Variants in PPP1R12B observed in about 807,000 individuals in gnomAD.
PPP1R12B encodes the protein myosin phosphatase target subunit 2.
In PPP1R12B, 76 loss-of-function variants were observed where a neutral mutation model predicts 126.1. The observed-to-expected ratio is 0.60, with a 90% CI of 0.50 to 0.73. The LOEUF is 0.73. Among genes scored for constraint, PPP1R12B ranks in the 30% least tolerant of loss-of-function variants. The pLI, the probability that PPP1R12B is intolerant of heterozygous loss-of-function variation, is 0.00. For missense variants in PPP1R12B, 1,052 were observed against 1,205.1 expected, an observed-to-expected ratio of 0.87 and a Z score of 1.88; for synonymous variants, 356 against 434.7, an observed-to-expected ratio of 0.82 and a Z score of 2.25.
At chr1:202,479,331 G>T (rs972340807) in intron 13 of PPP1R12B, among the ~76,000 whole-genome samples, 2 of 152,146 alleles carry the variant, frequency 1.3e-5, no homozygotes, top group African/African-American at 2.4e-5. Context: ...GAAAAAACTG[G>T]ATAAATATAA....
chr1:202,499,801 T>C (rs892956351), intron 18 of PPP1R12B, among the ~76,000 whole-genome samples: 1 of 152,216 alleles, frequency 6.6e-6, no homozygotes, highest in African/African-American at 2.4e-5. Flanking sequence ...CTTTTTTATA[T>C]ACCAAGAAAA....
chr1:202,379,204 A>G (rs1307676235), intron 1 of PPP1R12B, among the ~76,000 whole-genome samples: 2 of 152,150 alleles, frequency 1.3e-5, no homozygotes, highest in Non-Finnish European at 2.9e-5. Flanking sequence ...TTCTCATCCT[A>G]TCACAAAATT....
chr1:202,433,899 G>C (rs1670496074), intron 8 of PPP1R12B, among the ~76,000 whole-genome samples: 1 of 152,078 alleles, frequency 6.6e-6, no homozygotes. Context: ...GAACTCCCAG[G>C]TCTCAGCTCA....
At chr1:202,352,899 A>AAAAAGG (rs1470619825) in intron 1 of PPP1R12B, among the ~76,000 whole-genome samples, 2 of 143,388 alleles carry the variant, frequency 1.4e-5, no homozygotes, top group Admixed American at 6.9e-5. Flanking sequence ...AAAAAAAAAG[A>AAAAAGG]AAAAAGAAAT....
chr1:202,530,914 T>A (rs1683866382), intron 18 of PPP1R12B, among the ~76,000 whole-genome samples: 1 of 152,256 alleles, frequency 6.6e-6, no homozygotes, highest in South Asian at 2.1e-4. Flanking sequence ...TGTTCTGCAT[T>A]TTCTTACATG....
In PPP1R12B at chr1:202,588,453, T is replaced by C. The variant is rs1296435404; in HGVS notation, c.*7893T>C. On this transcript the variant is annotated 3_prime_UTR_variant, in exon 24 of 24. Coordinates refer to ENST00000608999, the MANE Select transcript of PPP1R12B (RefSeq NM_002481.4). ...GGTTTTGTTTTACTGGTTGTTGTTA[T>C]ATAGTTTTGAGTATTCTGTGTTTGA... The C allele has an allele frequency of 6.6e-6, 1 of 152,646 alleles. No homozygotes were observed. The highest frequency in any genetic ancestry group is 1.5e-5 in the Non-Finnish European group (1 of 68,044). 9.5% of individuals were successfully genotyped at this position (152,646 alleles called of 1,614,324 possible).
intron 18 of PPP1R12B, among the ~76,000 whole-genome samples, chr1:202,544,588 A>C (rs1243952570): frequency 6.6e-6 from 1 of 152,204 alleles, no homozygotes; most frequent in Non-Finnish European, 1.5e-5. Flanking sequence ...TCTTTTAATT[A>C]GGCACATTTT....
intron 1 of PPP1R12B, among the ~76,000 whole-genome samples, chr1:202,399,732 G>C (rs1318308282): frequency 2.0e-5 from 3 of 151,990 alleles, no homozygotes; most frequent in African/African-American, 4.8e-5. Flanking sequence ...TCCTGACCTC[G>C]TGATTTGCTT....
At chr1:202,526,388 G>C (rs575432646) in intron 18 of PPP1R12B, among the ~76,000 whole-genome samples, 1 of 152,208 alleles carries the variant, frequency 6.6e-6, no homozygotes, top group Non-Finnish European at 1.5e-5. Flanking sequence ...GGAAGTATCT[G>C]TGTGTGCATT....
chr1:202,361,661 G>A (rs917562122), intron 1 of PPP1R12B, among the ~76,000 whole-genome samples: 8 of 152,068 alleles, frequency 5.3e-5, no homozygotes, highest in African/African-American at 1.9e-4. Flanking sequence ...CAGAATTCCA[G>A]TTCAGTAATA....
intron 1 of PPP1R12B, among the ~76,000 whole-genome samples, chr1:202,396,322 T>A (rs1321814465): frequency 6.6e-6 from 1 of 152,218 alleles, no homozygotes; most frequent in African/African-American, 2.4e-5. Flanking sequence ...TTGGGCATGT[T>A]ACTTAATCTT....
At position 202,449,157 on chromosome 1, in the gene PPP1R12B, C is replaced by T; in HGVS notation, c.1836C>T (p.Ala612=). 6.2e-7 allele frequency: 1 copy of T among 1,605,762 alleles called. No individual in the cohort carries two copies. Among genetic ancestry groups the T allele is most frequent in the East Asian group, 2.2e-5 (1 of 44,770 alleles). ...CTGGAACAGATTCCTCTGTGGAAGC[C>T]AGGGAGAAGAGGAGGTATGTTGAGT... ...SITGTDSSVE[A]REKRRSYLTP... Residue 612 remains alanine (A), a synonymous_variant, in exon 13 of 24, where the codon GCC becomes GCT. Transcript: ENST00000608999.
At chr1:202,385,926 ATTTTTCT>A (rs1334127084) in intron 1 of PPP1R12B, among the ~76,000 whole-genome samples, 7 of 149,668 alleles carry the variant, frequency 4.7e-5, no homozygotes, top group African/African-American at 1.5e-4. Flanking sequence ...CTCAAGAGCT[ATTTTTCT>A]TTTTTCTTTT....
intron 13 of PPP1R12B, among the ~76,000 whole-genome samples, chr1:202,463,281 A>C (rs184066622): frequency 6.6e-6 from 1 of 152,316 alleles, no homozygotes; most frequent in East Asian, 1.9e-4. Flanking sequence ...GAATTTAAAC[A>C]TGTGCACTGA....
intron 1 of PPP1R12B, among the ~76,000 whole-genome samples, chr1:202,377,515 A>G (rs1234827927): frequency 6.6e-6 from 1 of 151,876 alleles, no homozygotes; most frequent in Non-Finnish European, 1.5e-5. Flanking sequence ...CGTGTTAGCC[A>G]GGATGGTCTC....
At chr1:202,458,729 G>C (rs549873220) in intron 13 of PPP1R12B, among the ~76,000 whole-genome samples, 1 of 152,334 alleles carries the variant, frequency 6.6e-6, no homozygotes, top group East Asian at 1.9e-4. Flanking sequence ...AGAGCATGCT[G>C]GATGCTAATT....
chr1:202,566,702 G>A (rs981106083), intron 21 of PPP1R12B, among the ~76,000 whole-genome samples: 3 of 152,120 alleles, frequency 2.0e-5, no homozygotes, highest in African/African-American at 7.2e-5. Flanking sequence ...CATAGTAGAT[G>A]CAGCATAAAG....
intron 23 of PPP1R12B, among the ~76,000 whole-genome samples, chr1:202,570,519 G>A (rs1420197866): frequency 6.6e-6 from 1 of 152,090 alleles, no homozygotes; most frequent in Non-Finnish European, 1.5e-5. Context: ...AATCTTCCAA[G>A]TTGATTCAAG....
At chr1:202,445,583 G>A (rs1672123585) in intron 12 of PPP1R12B, among the ~76,000 whole-genome samples, 1 of 152,166 alleles carries the variant, frequency 6.6e-6, no homozygotes, top group Non-Finnish European at 1.5e-5. Context: ...TAATTTTCCA[G>A]TAATTATAAT....
Sources: allele counts gnomAD v4.1 joint callset (sites outside exome capture counted in the v4.1 genomes callset), GRCh38; gene constraint gnomAD v4.1.1; transcripts MANE v1.5; gene names NCBI Gene and HGNC (gene_info 2026-07-23, HGNC 2026-07-21).